The following TMEFF2 variants were observed in gnomAD, a reference collection of about 807,000 sequenced individuals.
TMEFF2 encodes tomoregulin-2.
TMEFF2 carries 28 observed loss-of-function variants against 53.8 expected under a neutral mutation model. The ratio of observed to expected loss-of-function variants is 0.52; its 90% CI spans 0.39 to 0.71. TMEFF2 has a LOEUF of 0.71. TMEFF2 is among the 30% of genes least tolerant of loss of function. TMEFF2 has a pLI of 0.00. For synonymous variants in TMEFF2, 162 were observed against 166.3 expected, an observed-to-expected ratio of 0.97 and a Z score of 0.20; for missense variants, 353 against 455.2, an observed-to-expected ratio of 0.78 and a Z score of 2.04.
At chr2:192,037,639 G>A (rs1037170892) in intron 5 of TMEFF2, among the ~76,000 whole-genome samples, 2 of 21,814 alleles carry the variant, frequency 9.2e-5, no homozygotes, top group African/African-American at 1.4e-4. Flanking sequence ...GAGAAAGAGA[G>A]AGAAAGAGAG....
chr2:192,013,880 C>T (rs1364434532), intron 5 of TMEFF2, among the ~76,000 whole-genome samples: 1 of 152,164 alleles, frequency 6.6e-6, no homozygotes, highest in Non-Finnish European at 1.5e-5. Context: ...AAAATAGGCA[C>T]TCAATAAATA....
chr2:191,959,971 G>C (rs1574245153), intron 7 of TMEFF2, among the ~76,000 whole-genome samples: 1 of 152,078 alleles, frequency 6.6e-6, no homozygotes, highest in Non-Finnish European at 1.5e-5. Flanking sequence ...CCACCTCCTG[G>C]GCTCAAGTGA....
intron 7 of TMEFF2, among the ~76,000 whole-genome samples, chr2:191,996,789 T>A (rs2105832869): frequency 6.6e-6 from 1 of 151,844 alleles, no homozygotes; most frequent in East Asian, 1.9e-4. Flanking sequence ...GTGAATGAAA[T>A]GATAAAATTT....
At chr2:192,068,080 T>G (rs1311545175) in intron 4 of TMEFF2, among the ~76,000 whole-genome samples, 1 of 151,918 alleles carries the variant, frequency 6.6e-6, no homozygotes, top group Non-Finnish European at 1.5e-5. Flanking sequence ...AGAGTTGGGT[T>G]GCCCAGATTC....
chr2:192,188,089 A>G (rs1691359360), intron 2 of TMEFF2, among the ~76,000 whole-genome samples: 1 of 152,202 alleles, frequency 6.6e-6, no homozygotes, highest in South Asian at 2.1e-4. Context: ...TTTTTCTTCC[A>G]AAAGGGAAAA....
chr2:192,141,837 T>C (rs1212360607), intron 4 of TMEFF2, among the ~76,000 whole-genome samples: 1 of 152,174 alleles, frequency 6.6e-6, no homozygotes, highest in Non-Finnish European at 1.5e-5. Context: ...TAAGGATATT[T>C]GTATTTATTA....
intron 4 of TMEFF2, among the ~76,000 whole-genome samples, chr2:192,062,002 T>A (rs1368705163): frequency 6.6e-6 from 1 of 152,070 alleles, no homozygotes; most frequent in Admixed American, 6.6e-5. Context: ...CAGAATAAAC[T>A]TTTTTTCCTT....
intron 4 of TMEFF2, among the ~76,000 whole-genome samples, chr2:192,066,802 C>T (rs777091745): frequency 5.3e-5 from 8 of 151,358 alleles, no homozygotes; most frequent in Admixed American, 3.3e-4. Flanking sequence ...TCATTTAGAG[C>T]AGGTTACTAT....
chr2:192,106,106 A>G (rs1170778854), intron 4 of TMEFF2, among the ~76,000 whole-genome samples: 1 of 151,860 alleles, frequency 6.6e-6, no homozygotes, highest in African/African-American at 2.4e-5. Flanking sequence ...AAAATAATTT[A>G]AATACAGTAA....
intron 5 of TMEFF2, among the ~76,000 whole-genome samples, chr2:192,024,562 G>T (rs13394837): frequency 0.14 from 21,228 of 152,108 alleles, 1,715 homozygotes; most frequent in East Asian, 0.3. Context: ...TATTTTAAGT[G>T]TGCATAGCAG....
At chr2:191,953,566 G>T in intron 9 of TMEFF2, 113 bp downstream of exon 9, 2 of 1,187,594 alleles carry the variant, frequency 1.7e-6, no homozygotes, top group Non-Finnish European at 1.2e-6. Context: ...AGGACTCATA[G>T]AGAATGGATG....
intron 4 of TMEFF2, among the ~76,000 whole-genome samples, chr2:192,154,831 T>A (rs886176875): frequency 6.6e-6 from 1 of 151,898 alleles, no homozygotes; most frequent in African/African-American, 2.4e-5. Flanking sequence ...TGAGGGCTTC[T>A]TGCCTGCTTC....
intron 9 of TMEFF2, among the ~76,000 whole-genome samples, chr2:191,953,236 G>C (rs535544866): frequency 6.6e-6 from 1 of 152,298 alleles, no homozygotes. Context: ...ATAAAAGGTT[G>C]TTGTGATATT....
intron 4 of TMEFF2, among the ~76,000 whole-genome samples, chr2:192,146,642 AGT>A (rs1381340461): frequency 2.0e-5 from 3 of 151,954 alleles, no homozygotes; most frequent in African/African-American, 7.2e-5. Context: ...AACAGCCTAT[AGT>A]GTGTGTGTAT....
intron 4 of TMEFF2, among the ~76,000 whole-genome samples, chr2:192,174,576 C>T (rs1295486483): frequency 6.6e-6 from 1 of 151,662 alleles, no homozygotes; most frequent in Non-Finnish European, 1.5e-5. Flanking sequence ...GATAAGATTT[C>T]AATTGAAGTT....
At chr2:192,149,050 C>A (rs1449093873) in intron 4 of TMEFF2, among the ~76,000 whole-genome samples, 6 of 151,828 alleles carry the variant, frequency 4.0e-5, no homozygotes, top group African/African-American at 1.5e-4. Flanking sequence ...TTATTTTTTC[C>A]CCATTTCCCT....
chr2:191,977,348 A>G (rs1685754604), intron 7 of TMEFF2, among the ~76,000 whole-genome samples: 1 of 152,228 alleles, frequency 6.6e-6, no homozygotes, highest in African/African-American at 2.4e-5. Flanking sequence ...ATCACCTGCT[A>G]TGCTCTCACC....
At chr2:192,158,880 C>T (rs992724314) in intron 4 of TMEFF2, among the ~76,000 whole-genome samples, 8 of 152,194 alleles carry the variant, frequency 5.3e-5, no homozygotes, top group Admixed American at 1.3e-4. Flanking sequence ...AACACCTAAA[C>T]TATTCTTTAA....
At chr2:191,956,409 T>C (rs1692096225) in intron 7 of TMEFF2, 31 bp from the exon 8 acceptor site, 1 of 1,604,000 alleles carries the variant, frequency 6.2e-7, no homozygotes. Flanking sequence ...AAGCACCCCC[T>C]GTAAATACTT....
Sources: gnomAD v4.1 joint callset for allele counts (sites outside exome capture counted in the v4.1 genomes callset) on GRCh38, gnomAD v4.1.1 for gene constraint, MANE v1.5 for transcripts, NCBI Gene and HGNC (gene_info 2026-07-23, HGNC 2026-07-21) for gene names.